Variants in UMAD1 observed in about 807,000 individuals in gnomAD.
UMAD1 encodes UBAP1-MVB12-associated (UMA) domain containing 1, also known as UBAP1-MVB12-associated (UMA)-domain containing protein 1.
A neutral mutation model predicts 6.1 loss-of-function variants in UMAD1; 8 were observed. The ratio of observed to expected loss-of-function variants is 1.30; its 90% CI spans 0.76 to 2.35. The LOEUF is 2.35. Ranked by LOEUF, UMAD1 falls within the 30% of genes most tolerant of loss-of-function variation. The pLI, the probability that UMAD1 is intolerant of heterozygous loss-of-function variation, is 0.00. For missense variants in UMAD1, 130 were observed against 78.4 expected (o/e 1.66, Z -2.49); for synonymous variants, 56 against 31.4 (o/e 1.78, Z -2.61).
intron 3 of UMAD1, among the ~76,000 whole-genome samples, chr7:7,876,332 G>A (rs1331570816): frequency 6.6e-6 from 1 of 152,190 alleles, no homozygotes; most frequent in Non-Finnish European, 1.5e-5. Flanking sequence ...GATGAGGGCA[G>A]AAGCACACCT....
At position 7,801,425 on chromosome 7, in the gene UMAD1, A is replaced by G. The variant is rs1277552432; in HGVS notation, c.83-245A>G. On this transcript the variant is annotated intron_variant, in intron 2 of 3. Coordinates refer to ENST00000682710, the MANE Select transcript of UMAD1 (RefSeq NM_001302348.2). ...ATATGAATTTATTTGATTTTTCCAG[A>G]GTAAATCTAGATAAAACAGGATACA... 2.0e-5 allele frequency among the ~76,000 whole-genome samples: 3 copies of G among 152,346 alleles called. No individual in the cohort carries two copies. In the East Asian group the frequency reaches 5.8e-4, roughly 29 times the overall value.
At chr7:7,694,050 C>G (rs1780245154) in intron 2 of UMAD1, among the ~76,000 whole-genome samples, 1 of 152,054 alleles carries the variant, frequency 6.6e-6, no homozygotes, top group Non-Finnish European at 1.5e-5. Flanking sequence ...TCATTAGACA[C>G]TTGAACAAGA....
intron 2 of UMAD1, among the ~76,000 whole-genome samples, chr7:7,778,744 G>C (rs941559124): frequency 1.3e-5 from 2 of 152,158 alleles, no homozygotes; most frequent in African/African-American, 4.8e-5. Context: ...AAAGTTGAGA[G>C]CATATTCTTT....
intron 1 of UMAD1, among the ~76,000 whole-genome samples, chr7:7,662,583 C>A (rs1237031234): frequency 2.6e-5 from 4 of 152,156 alleles, no homozygotes; most frequent in African/African-American, 9.7e-5. Flanking sequence ...TTCCCAACCC[C>A]TTATGCCTCC....
intron 2 of UMAD1, among the ~76,000 whole-genome samples, chr7:7,783,218 G>T (rs1782386492): frequency 6.6e-6 from 1 of 152,186 alleles, no homozygotes; most frequent in Non-Finnish European, 1.5e-5. Flanking sequence ...ATGAAACTAG[G>T]TCAGATCAAT....
At chr7:7,853,124 G>A (rs1783950156) in intron 3 of UMAD1, among the ~76,000 whole-genome samples, 2 of 152,114 alleles carry the variant, frequency 1.3e-5, no homozygotes, top group South Asian at 4.2e-4. Context: ...AACTGTGGAC[G>A]AAAACCAGTA....
intron 3 of UMAD1, among the ~76,000 whole-genome samples, chr7:7,828,396 C>T (rs561736496): frequency 6.6e-6 from 1 of 152,168 alleles, no homozygotes; most frequent in Non-Finnish European, 1.5e-5. Flanking sequence ...AGGTCACATA[C>T]CTAATCTGTG....
intron 3 of UMAD1, among the ~76,000 whole-genome samples, chr7:7,817,145 C>T (rs922041382): frequency 2.0e-5 from 3 of 152,154 alleles, no homozygotes; most frequent in African/African-American, 4.8e-5. Flanking sequence ...AGAACTTTAT[C>T]CCATACGTCT....
At chr7:7,696,688 C>T (rs551237198) in intron 2 of UMAD1, among the ~76,000 whole-genome samples, 21 of 152,230 alleles carry the variant, frequency 1.4e-4, no homozygotes, top group South Asian at 4.1e-4. Flanking sequence ...TAAAGCACTC[C>T]GTAAAGATTT....
At chr7:7,839,570 A>G (rs1783636917) in intron 3 of UMAD1, among the ~76,000 whole-genome samples, 1 of 152,152 alleles carries the variant, frequency 6.6e-6, no homozygotes, top group Non-Finnish European at 1.5e-5. Context: ...AGACAGGAGT[A>G]AAAGGGTTTC....
At chr7:7,776,855 A>G (rs1782218228) in intron 2 of UMAD1, among the ~76,000 whole-genome samples, 1 of 152,180 alleles carries the variant, frequency 6.6e-6, no homozygotes, top group Admixed American at 6.5e-5. Context: ...AAAGTAATAC[A>G]CTGAAAAGCC....
chr7:7,655,961 G>A (rs1372238881), intron 1 of UMAD1, among the ~76,000 whole-genome samples: 5 of 152,134 alleles, frequency 3.3e-5, no homozygotes, highest in African/African-American at 4.8e-5. Flanking sequence ...TCAGCCTTCC[G>A]AGTAGCTGGG....
At chr7:7,863,661 C>G (rs1784168257) in intron 3 of UMAD1, among the ~76,000 whole-genome samples, 1 of 152,142 alleles carries the variant, frequency 6.6e-6, no homozygotes, top group African/African-American at 2.4e-5. Context: ...ATAAAGGGCA[C>G]TCTTTTTCCT....
intron 3 of UMAD1, among the ~76,000 whole-genome samples, chr7:7,831,653 T>C (rs1272782951): frequency 6.6e-6 from 1 of 152,188 alleles, no homozygotes; most frequent in Non-Finnish European, 1.5e-5. Context: ...CTGATTCCCT[T>C]TGTGGCTTTT....
chr7:7,642,468 GAT>G (rs1491346833), intron 1 of UMAD1, among the ~76,000 whole-genome samples: 3 of 33,244 alleles, frequency 9.0e-5, no homozygotes, highest in African/African-American at 2.1e-4. Context: ...CTGTAATAGT[GAT>G]TTTTTTTTTT....
At chr7:7,810,993 C>CT (rs912579364) in intron 3 of UMAD1, among the ~76,000 whole-genome samples, 7 of 152,158 alleles carry the variant, frequency 4.6e-5, no homozygotes, top group African/African-American at 1.7e-4. Flanking sequence ...GTTATTCTTC[C>CT]TATCTCTTTG....
chr7:7,762,504 C>T (rs1242330468), intron 2 of UMAD1, among the ~76,000 whole-genome samples: 1 of 152,134 alleles, frequency 6.6e-6, no homozygotes, highest in Non-Finnish European at 1.5e-5. Context: ...GAACTTTGCT[C>T]TTCTGATAAC....
chr7:7,872,837 G>A (rs1471594659), intron 3 of UMAD1, among the ~76,000 whole-genome samples: 1 of 152,114 alleles, frequency 6.6e-6, no homozygotes, highest in East Asian at 1.9e-4. Context: ...AACCAAAAAA[G>A]AAAAGAAAGT....
chr7:7,673,310 TAGC>T lies in UMAD1; in HGVS notation c.-3_-1del. ...CATTGTGTAATGTTTCTATTTCAGGTAGCAGCAGCAGCAGCAGCAGCAGCAGCA... is the reference window on the plus strand; with the variant it reads ...CATTGTGTAATGTTTCTATTTCAGGTAGCAGCAGCAGCAGCAGCAGCAGCA... On this transcript the variant is annotated splice_region_variant and 5_prime_UTR_variant, in exon 2 of 4. Coordinates refer to ENST00000682710, the MANE Select transcript of UMAD1 (RefSeq NM_001302348.2). The T allele has an allele frequency of 0.069, 70,529 of 1,025,738 alleles. 1,954 individuals are homozygous for T. Among genetic ancestry groups the T allele is most frequent in the African/African-American group, 0.11 (6,654 of 60,734 alleles). The allele number at this position is 1,025,738 out of a possible 1,614,324, so 63.5% of individuals were successfully genotyped here. A position where few individuals can be genotyped will look rare whatever the true frequency, so the allele number is the denominator to read the frequency against.
Sources: allele counts gnomAD v4.1 joint callset (sites outside exome capture counted in the v4.1 genomes callset), GRCh38; gene constraint gnomAD v4.1.1; transcripts MANE v1.5; gene names NCBI Gene and HGNC (gene_info 2026-07-23, HGNC 2026-07-21).